Variants in TPTE2 observed in about 807,000 individuals in gnomAD.
TPTE2 encodes the protein transmembrane phosphoinositide 3-phosphatase and tensin homolog 2, also known as phosphatidylinositol 3,4,5-trisphosphate 3-phosphatase TPTE2.
TPTE2 carries 53 observed loss-of-function variants against 78.6 expected under a neutral mutation model. The ratio of observed to expected loss-of-function variants is 0.67; its 90% CI spans 0.54 to 0.85. The LOEUF (loss-of-function observed/expected upper bound fraction) is 0.85, where lower values mean the gene tolerates loss of function less well. Ranked by LOEUF, TPTE2 falls within the 40% of genes least tolerant of loss-of-function variation. The probability of loss-of-function intolerance (pLI) is 0.00; values close to 1 mark genes in which losing one functional copy is unlikely to be tolerated. For synonymous variants in TPTE2, 175 were observed against 206.2 expected (o/e 0.85, Z 1.30); for missense variants, 461 against 623.0 (o/e 0.74, Z 2.77).
chr13:19,503,944 G>A (rs765545627), upstream of TPTE2, among the ~76,000 whole-genome samples: 1 of 151,712 alleles, frequency 6.6e-6, no homozygotes, highest in Non-Finnish European at 1.5e-5. Context: ...GTTTCACCGT[G>A]TTAGCCAGGA....
chr13:19,548,760 TGAA>T, the TPTE2 span, among the ~76,000 whole-genome samples: 3 of 151,838 alleles, frequency 2.0e-5, no homozygotes, highest in South Asian at 6.3e-4. Context: ...ATAAAAACCC[TGAA>T]GAAGATCTAG....
the TPTE2 span, among the ~76,000 whole-genome samples, chr13:19,557,666 C>G: frequency 6.6e-6 from 1 of 152,106 alleles, no homozygotes; most frequent in Non-Finnish European, 1.5e-5. Flanking sequence ...ATGTTACAGT[C>G]CCAAGTTTTC....
At chr13:19,441,468 T>TA (rs1299089985) in intron 13 of TPTE2, among the ~76,000 whole-genome samples, 1 of 152,084 alleles carries the variant, frequency 6.6e-6, no homozygotes, top group African/African-American at 2.4e-5. Context: ...TTTTGCCCAT[T>TA]AAAAAACAAA....
At chr13:19,471,270 C>T (rs966989619) in intron 6 of TPTE2, among the ~76,000 whole-genome samples, 1 of 152,130 alleles carries the variant, frequency 6.6e-6, no homozygotes, top group Admixed American at 6.6e-5. Flanking sequence ...AGTCTGCTGA[C>T]ACTCAGTGTT....
At chr13:19,446,003 G>GA (rs1282428650) in intron 13 of TPTE2, among the ~76,000 whole-genome samples, 1 of 151,966 alleles carries the variant, frequency 6.6e-6, no homozygotes, top group Non-Finnish European at 1.5e-5. Context: ...AAATGTAATA[G>GA]AAAAAAAGAG....
chr13:19,445,894 T>G (rs1475802092), intron 13 of TPTE2, among the ~76,000 whole-genome samples: 1 of 152,136 alleles, frequency 6.6e-6, no homozygotes, highest in Non-Finnish European at 1.5e-5. Context: ...TGAACTGAGA[T>G]CATGTCACTG....
Position 19,492,231 on chromosome 13 carries a change from C to T in TPTE2, c.119+619G>A, listed in dbSNP as rs1410535032. On this transcript the variant is annotated intron_variant, in intron 3 of 19. Coordinates refer to ENST00000400230, the Ensembl canonical transcript of TPTE2. ...CCCATGAGACACAGTGAAGTACCCG[C>T]GCACCTGAGGAAAGCGGCATCCAAT... 3.3e-5 allele frequency among the ~76,000 whole-genome samples: 5 copies of T among 152,256 alleles called. No homozygotes were observed. The East Asian group carries it at 9.7e-4, about 29-fold the overall frequency.
At chr13:19,510,346 G>C (rs1869351224) in intron 1 of TPTE2, among the ~76,000 whole-genome samples, 1 of 152,124 alleles carries the variant, frequency 6.6e-6, no homozygotes, top group Admixed American at 6.5e-5. Context: ...TGCTTCTGAG[G>C]CTGCTCCCAT....
exon 20 of TPTE2, chr13:19,423,054 A>G (rs774844998): frequency 1.2e-6 from 2 of 1,612,372 alleles, no homozygotes; most frequent in Non-Finnish European, 8.5e-7. Context: ...CTACAACATC[A>G]TTGGAAGTCA....
At chr13:19,528,517 C>T (rs1036098152) in intron 1 of TPTE2, among the ~76,000 whole-genome samples, 5 of 151,994 alleles carry the variant, frequency 3.3e-5, no homozygotes, top group Admixed American at 1.3e-4. Context: ...TTTATAAGAA[C>T]AACTCACTCT....
chr13:19,550,063 C>A, the TPTE2 span, among the ~76,000 whole-genome samples: 1 of 140,062 alleles, frequency 7.1e-6, no homozygotes. Context: ...TGCTGATTAC[C>A]TGGGTGACAA....
chr13:19,553,613 A>G, the TPTE2 span, among the ~76,000 whole-genome samples: 1 of 152,242 alleles, frequency 6.6e-6, no homozygotes, highest in Non-Finnish European at 1.5e-5. Flanking sequence ...TATACTACTC[A>G]GTAATAAAAT....
At chr13:19,491,407 G>C (rs1880982241) in intron 3 of TPTE2, among the ~76,000 whole-genome samples, 1 of 151,640 alleles carries the variant, frequency 6.6e-6, no homozygotes, top group Non-Finnish European at 1.5e-5. Context: ...AATAAGTGAG[G>C]GTATGCAAAT....
At chr13:19,497,446 G>T (rs1405857480) in intron 1 of TPTE2, among the ~76,000 whole-genome samples, 1 of 118,356 alleles carries the variant, frequency 8.4e-6, no homozygotes, top group Non-Finnish European at 1.9e-5. Context: ...CACGCAGCTG[G>T]AGATCTGAGA....
intron 1 of TPTE2, among the ~76,000 whole-genome samples, chr13:19,520,455 G>C (rs760229141): frequency 4.0e-5 from 6 of 151,652 alleles, no homozygotes; most frequent in Non-Finnish European, 8.9e-5. Context: ...TGTTGTTGTT[G>C]TTATTTACCT....
chr13:19,557,174 T>C, the TPTE2 span, among the ~76,000 whole-genome samples: 1 of 152,246 alleles, frequency 6.6e-6, no homozygotes, highest in South Asian at 2.1e-4. Context: ...TTATTAATGT[T>C]CTAACCCAAA....
At chr13:19,462,389 T>C (rs1008215415) in intron 10 of TPTE2, among the ~76,000 whole-genome samples, 12 of 151,500 alleles carry the variant, frequency 7.9e-5, no homozygotes, top group African/African-American at 2.2e-4. Context: ...GGTTGACAGT[T>C]TTTTTTTTCC....
At chr13:19,517,322 C>T (rs1000487356) in intron 1 of TPTE2, among the ~76,000 whole-genome samples, 1 of 152,134 alleles carries the variant, frequency 6.6e-6, no homozygotes. Flanking sequence ...TTTTAGTTCC[C>T]AAAACCAAGC....
the TPTE2 span, among the ~76,000 whole-genome samples, chr13:19,543,410 A>C: frequency 3.5e-5 from 5 of 144,684 alleles, no homozygotes; most frequent in Non-Finnish European, 7.5e-5. Flanking sequence ...TCTAGGCTAG[A>C]GTGCGATGGG....
Sources: allele counts gnomAD v4.1 joint callset (sites outside exome capture counted in the v4.1 genomes callset), GRCh38; gene constraint gnomAD v4.1.1; transcripts MANE v1.5; gene names NCBI Gene and HGNC (gene_info 2026-07-23, HGNC 2026-07-21).